The following SULF2 variants were observed in gnomAD, a reference collection of about 807,000 sequenced individuals.
SULF2 encodes extracellular sulfatase Sulf-2.
Under a neutral mutation model 107.7 loss-of-function variants are expected in SULF2, and 52 were observed. That is an observed-to-expected ratio of 0.48 (90% CI 0.39 to 0.61). The LOEUF is 0.61. Ranked by LOEUF, SULF2 falls within the 20% of genes least tolerant of loss-of-function variation. The pLI, the probability that SULF2 is intolerant of heterozygous loss-of-function variation, is 0.00. For missense variants in SULF2, 993 were observed against 1,177.3 expected (o/e 0.84, Z 2.29); for synonymous variants, 460 against 464.3 (o/e 0.99, Z 0.12).
At chr20:47,727,948 G>A (rs575385395) in intron 3 of SULF2, among the ~76,000 whole-genome samples, 13 of 152,338 alleles carry the variant, frequency 8.5e-5, no homozygotes, top group African/African-American at 2.4e-4. Flanking sequence ...AGATGTGCAC[G>A]GAGGCGGCAA....
chr20:47,685,949 T>A (rs1602642255), intron 5 of SULF2: 1 of 152,180 alleles, frequency 6.6e-6, no homozygotes, highest in Non-Finnish European at 1.5e-5. Context: ...GCTGCTGGGG[T>A]TCGAGCCCCA....
rs1445858324 is a variant in SULF2, at chr20:47,657,522, T to C, written c.*840A>G. On this transcript the variant is annotated 3_prime_UTR_variant, in exon 21 of 21. Transcript: ENST00000688720. ...TAAACTACAAAATTTTTTTTACAAA[T>C]ACAGTTTCATCAAAACTTGGGACAT... 1 of 152,188 alleles carries C rather than the reference T, an allele frequency of 6.6e-6. No individual in the cohort carries two copies. The highest frequency in any genetic ancestry group is 1.5e-5 in the Non-Finnish European group (1 of 68,034). The allele number at this position is 152,188 out of a possible 1,614,324, so 9.4% of individuals were successfully genotyped here. A position where few individuals can be genotyped will look rare whatever the true frequency, so the allele number is the denominator to read the frequency against.
rs887743157 is a variant in SULF2, at chr20:47,658,451, C to T, written c.2583-59G>A. 7.7e-5 allele frequency: 117 copies of T among 1,529,164 alleles called. No homozygotes were observed. The African/African-American group carries it at 1.4e-3, about 19-fold the overall frequency. The allele number at this position is 1,529,164 out of a possible 1,614,324, so 94.7% of individuals were successfully genotyped here. A position where few individuals can be genotyped will look rare whatever the true frequency, so the allele number is the denominator to read the frequency against. On this transcript the variant is annotated intron_variant, in intron 20 of 20. Coordinates refer to ENST00000688720, the MANE Select transcript of SULF2 (RefSeq NM_001387048.1). The stretch of plus-strand genomic sequence containing the variant: ...GCTATCATGGTCTTTATCATGACTT[C>T]CTAATCGGTCCTATAGCTGAGGAAG...
intron 1 of SULF2, among the ~76,000 whole-genome samples, chr20:47,782,103 T>C: frequency 6.6e-6 from 1 of 152,212 alleles, no homozygotes; most frequent in East Asian, 1.9e-4. Flanking sequence ...TACTTTACAG[T>C]TCTTCTAGGC....
At chr20:47,784,731 C>CCTAG (rs2090892245) in intron 1 of SULF2, among the ~76,000 whole-genome samples, 1 of 152,214 alleles carries the variant, frequency 6.6e-6, no homozygotes, top group Admixed American at 6.5e-5. Flanking sequence ...AAAGTGCACT[C>CCTAG]CTAGAATTCA....
At chr20:47,765,538 G>C (rs901630798) in intron 1 of SULF2, among the ~76,000 whole-genome samples, 1 of 152,254 alleles carries the variant, frequency 6.6e-6, no homozygotes, top group African/African-American at 2.4e-5. Context: ...CCACGGGCTG[G>C]GGCCAGAGCC....
Position 47,665,242 on chromosome 20 carries a change from G to A in SULF2, c.1954C>T (p.Leu652=), listed in dbSNP as rs1188404396. ...IKNLREVRGH[L]KKKRPEECDC... is the part of the protein sequence containing the mutation. ...CATTCTTCTGGCCGCTTTTTCTTCA[G>A]GTGACCTCGGACTTCCCTCAGGTTC... Residue 652 remains leucine (L), a synonymous_variant, in exon 14 of 21, where the codon CTG becomes TTG. Transcript: ENST00000688720. The A allele has an allele frequency of 3.1e-6, 5 of 1,614,134 alleles. No homozygotes were observed. In the Admixed American group the frequency reaches 8.3e-5, roughly 27 times the overall value.
chr20:47,662,998 G>T lies in SULF2; in HGVS notation c.2370+72C>A, dbSNP rs964198072. 1.9e-6 allele frequency: 3 copies of T among 1,578,304 alleles called. No homozygotes were observed. The African/African-American group carries it at 4.0e-5, about 21-fold the overall frequency. ...GGACAATTTGTCATCACTTCCCTGA[G>T]GTTGGGGGGGGCCTACCTGGCAGCA... On this transcript the variant is annotated intron_variant, in intron 17 of 20. Transcript: ENST00000688720.
chr20:47,735,461 A>G (rs2089706070), intron 3 of SULF2, among the ~76,000 whole-genome samples: 1 of 152,196 alleles, frequency 6.6e-6, no homozygotes, highest in Non-Finnish European at 1.5e-5. Context: ...GCCAAGTTGC[A>G]GGTGCATCTT....
chr20:47,761,968 TA>T (rs1384017347), intron 1 of SULF2, among the ~76,000 whole-genome samples: 1 of 152,252 alleles, frequency 6.6e-6, no homozygotes, highest in African/African-American at 2.4e-5. Flanking sequence ...GACGGTTTTA[TA>T]AAGGGTTTCC....
At position 47,725,793 on chromosome 20, in the gene SULF2, G is replaced by A. The variant is rs148530173; in HGVS notation, c.415+10910C>T. On this transcript the variant is annotated intron_variant, in intron 3 of 20. Coordinates refer to ENST00000688720, the MANE Select transcript of SULF2 (RefSeq NM_001387048.1). ...CATTTGGAGCCCCCAGGCTAGAACG[G>A]GTTCACACAGGGATGACAGAGGAAG... 1.3e-3 allele frequency among the ~76,000 whole-genome samples: 202 copies of A among 152,288 alleles called. 3 individuals carry two copies. The highest frequency in any genetic ancestry group is 0.01 in the Middle Eastern group (3 of 294).
intron 8 of SULF2, chr20:47,677,901 G>T (rs2032205910): frequency 6.6e-6 from 1 of 152,374 alleles, no homozygotes; most frequent in South Asian, 2.1e-4. Flanking sequence ...GGCACACAGT[G>T]CTCGCCTGGC....
chr20:47,768,880 G>GTTTTT (rs2090574486), intron 1 of SULF2, among the ~76,000 whole-genome samples: 1 of 115,178 alleles, frequency 8.7e-6, no homozygotes, highest in South Asian at 4.4e-4. Flanking sequence ...GTTTGTGTGC[G>GTTTTT]TGTTTTTTTT....
In SULF2 at chr20:47,761,865, G is replaced by A. The variant is rs376811310; in HGVS notation, c.-100-4402C>T. ...GACTTGTAGCGCCCATAATTCCCAC[G>A]TGTTGTGGGAGGGACCTGGTGGGAG... On this transcript the variant is annotated intron_variant, in intron 1 of 20. Coordinates refer to ENST00000688720, the MANE Select transcript of SULF2 (RefSeq NM_001387048.1). Among the ~76,000 whole-genome samples, 128 of 152,330 alleles carry A rather than the reference G, an allele frequency of 8.4e-4. 1 individual carries two copies. Among genetic ancestry groups the A allele is most frequent in the African/African-American group, 2.9e-3 (120 of 41,560 alleles).
intron 1 of SULF2, among the ~76,000 whole-genome samples, chr20:47,775,412 T>C (rs558119812): frequency 2.6e-5 from 4 of 152,298 alleles, no homozygotes; most frequent in South Asian, 2.1e-4. Flanking sequence ...CCAGCTGATA[T>C]CACATGAAGC....
chr20:47,777,203 C>T (rs2090740339), intron 1 of SULF2, among the ~76,000 whole-genome samples: 1 of 152,186 alleles, frequency 6.6e-6, no homozygotes, highest in South Asian at 2.1e-4. Flanking sequence ...GGTGACATTT[C>T]AGCTGAGATC....
At chr20:47,658,784 C>T (rs759060248) in intron 20 of SULF2, among the ~76,000 whole-genome samples, 6 of 152,100 alleles carry the variant, frequency 3.9e-5, no homozygotes, top group Admixed American at 2.0e-4. Context: ...TCACCAAGGG[C>T]GATAATTTGC....
At position 47,690,282 on chromosome 20, in the gene SULF2, T is replaced by C; in HGVS notation, c.581A>G (p.Asp194Gly). The change falls in exon 5 of 21, where the codon GAC becomes GGC. Residue 194 changes from aspartate (D) to glycine (G), a missense_variant. Transcript: ENST00000688720. ...GSDYSKDYLT[D>G]LITNDSVSFF... ...GCTCACGCTGTCATTGGTGATGAGGTCTGTGAGGTAATCCTGGGGGGTGGG... is the reference window on the plus strand; with the variant it reads ...GCTCACGCTGTCATTGGTGATGAGGCCTGTGAGGTAATCCTGGGGGGTGGG... 1 of 1,508,430 alleles carries C rather than the reference T, an allele frequency of 6.6e-7. No homozygotes were observed. 93.4% of individuals were successfully genotyped at this position (1,508,430 alleles called of 1,614,324 possible).
intron 2 of SULF2, among the ~76,000 whole-genome samples, chr20:47,741,268 A>T (rs1475502763): frequency 7.0e-5 from 5 of 71,478 alleles, no homozygotes; most frequent in African/African-American, 2.8e-4. Context: ...CTCTCCGCCC[A>T]CTCTCTGCAG....
Sources: gnomAD v4.1 joint callset for allele counts (sites outside exome capture counted in the v4.1 genomes callset) on GRCh38, gnomAD v4.1.1 for gene constraint, MANE v1.5 for transcripts, NCBI Gene and HGNC (gene_info 2026-07-23, HGNC 2026-07-21) for gene names.